Variants in GFRA1 observed in about 807,000 individuals in gnomAD.
The protein encoded by GFRA1 is GDNF family receptor alpha 1.
A neutral mutation model predicts 51.6 loss-of-function variants in GFRA1; 16 were observed. The observed-to-expected ratio is 0.31, with a 90% CI of 0.21 to 0.47. The LOEUF (loss-of-function observed/expected upper bound fraction) is 0.47. Ranked by LOEUF, GFRA1 falls within the 20% of genes least tolerant of loss-of-function variation. The pLI is 1.00. For synonymous variants in GFRA1, 270 were observed against 241.3 expected (o/e 1.12, Z -1.10); for missense variants, 530 against 594.3 (o/e 0.89, Z 1.13).
intron 9 of GFRA1, among the ~76,000 whole-genome samples, chr10:116,074,145 G>C (rs1955519726): frequency 6.6e-6 from 1 of 152,120 alleles, no homozygotes; most frequent in South Asian, 2.1e-4. Context: ...TACTTTCTGA[G>C]GGGTGTGCTC....
At chr10:116,131,380 C>T (rs1958096211) in intron 5 of GFRA1, among the ~76,000 whole-genome samples, 1 of 152,184 alleles carries the variant, frequency 6.6e-6, no homozygotes, top group South Asian at 2.1e-4. Flanking sequence ...TACAATTACC[C>T]TATGGCCCAG....
intron 4 of GFRA1, among the ~76,000 whole-genome samples, chr10:116,263,155 G>A (rs1475623614): frequency 6.6e-6 from 1 of 152,136 alleles, no homozygotes; most frequent in African/African-American, 2.4e-5. Flanking sequence ...CTTGTCCAAG[G>A]TAGTTTATAA....
Position 116,063,139 on chromosome 10 carries a change from A to G in GFRA1, c.*1259T>C, listed in dbSNP as rs117979961. 2 of 152,380 alleles carry G rather than the reference A, an allele frequency of 1.3e-5. No individual in the cohort carries two copies. The highest frequency in any genetic ancestry group is 2.1e-4 in the South Asian group (1 of 4,828). The allele number at this position is 152,380 out of a possible 1,614,324, so 9.4% of individuals were successfully genotyped here. ...TTTCCAAAGAAAGGAGAACCTGCCCATGCCTCCATGTCCCAATCAAAGCTG... is the reference window on the plus strand; with the variant it reads ...TTTCCAAAGAAAGGAGAACCTGCCCGTGCCTCCATGTCCCAATCAAAGCTG... On this transcript the variant is annotated 3_prime_UTR_variant, in exon 11 of 11. Transcript: ENST00000355422.
intron 5 of GFRA1, among the ~76,000 whole-genome samples, chr10:116,201,138 A>AT (rs111939455): frequency 1.3e-5 from 2 of 151,830 alleles, no homozygotes; most frequent in African/African-American, 2.4e-5. Flanking sequence ...CTAAAATAAC[A>AT]TTTTTTTTCT....
chr10:116,171,185 A>C (rs769707427), intron 5 of GFRA1, among the ~76,000 whole-genome samples: 12 of 152,206 alleles, frequency 7.9e-5, no homozygotes, highest in Non-Finnish European at 1.8e-4. Context: ...GGATTATGCT[A>C]TTTCCGACTA....
intron 2 of GFRA1, 64 bp from the exon 3 acceptor site, chr10:116,271,179 G>T: frequency 1.4e-6 from 2 of 1,446,820 alleles, no homozygotes; most frequent in South Asian, 1.3e-5. Context: ...CCCTGCTCCG[G>T]GCGAGGGCGC....
chr10:116,242,484 CA>C (rs972634248), intron 4 of GFRA1, among the ~76,000 whole-genome samples: 4 of 151,576 alleles, frequency 2.6e-5, no homozygotes, highest in Non-Finnish European at 4.4e-5. Flanking sequence ...TCCATAAAAA[CA>C]TTTTTTTTTT....
At chr10:116,125,086 A>G (rs1226191551) in intron 6 of GFRA1, 135 bp downstream of exon 6, 18 of 772,634 alleles carry the variant, frequency 2.3e-5, no homozygotes, top group East Asian at 5.3e-5. Context: ...ATTTTTGCCA[A>G]TCCATTCAAA....
At chr10:116,234,097 G>A (rs1966840204) in intron 4 of GFRA1, among the ~76,000 whole-genome samples, 1 of 152,146 alleles carries the variant, frequency 6.6e-6, no homozygotes, top group Non-Finnish European at 1.5e-5. Flanking sequence ...GATAAATGCA[G>A]GTTTTTTGTG....
At chr10:116,097,260 T>G (rs1209102540) in intron 6 of GFRA1, among the ~76,000 whole-genome samples, 1 of 152,196 alleles carries the variant, frequency 6.6e-6, no homozygotes, top group African/African-American at 2.4e-5. Flanking sequence ...GTTTCTGTCT[T>G]GTAAGTCACC....
In GFRA1 at chr10:116,098,315, G is replaced by A. The variant is rs1035074352; in HGVS notation, c.771-1551C>T. The stretch of plus-strand genomic sequence containing the variant: ...GTGTACGCACCTGAGTGGCAACCAC[G>A]GTCCGTGCCTTGCTGGTGTTTCCTG... On this transcript the variant is annotated intron_variant, in intron 6 of 10. Transcript: ENST00000355422. Among the ~76,000 whole-genome samples, 11 of 152,214 alleles carry A rather than the reference G, an allele frequency of 7.2e-5. No homozygotes were observed. In the East Asian group the frequency reaches 9.6e-4, roughly 13 times the overall value.
At chr10:116,178,303 G>GT (rs774943017) in intron 5 of GFRA1, among the ~76,000 whole-genome samples, 1 of 151,952 alleles carries the variant, frequency 6.6e-6, no homozygotes, top group Non-Finnish European at 1.5e-5. Context: ...AGGGGCCGGG[G>GT]GGGCGTTTTA....
rs1229626432 is a variant in GFRA1, at chr10:116,093,668, T to C, written c.1015+34A>G. 1.9e-6 allele frequency: 3 copies of C among 1,603,144 alleles called. No individual in the cohort carries two copies. The South Asian group carries it at 3.3e-5, about 18-fold the overall frequency. On this transcript the variant is annotated intron_variant, in intron 8 of 10. Transcript: ENST00000355422. The stretch of plus-strand genomic sequence containing the variant: ...CTGGAGCTCGGAGAAGAAAATGCGT[T>C]TGCTCCTTTGTTTCTTATTTTTTAC...
rs1486340790 is a variant in GFRA1, at chr10:116,272,219, C to T, written c.-190G>A. The stretch of plus-strand genomic sequence containing the variant: ...AGCCACCGCCGCCGGCGACTCAGCT[C>T]CGGGATGGCGAGGGCGGGAGGCGGT... On this transcript the variant is annotated 5_prime_UTR_variant, in exon 2 of 11. Coordinates refer to ENST00000355422, the MANE Select transcript of GFRA1 (RefSeq NM_005264.8). The surrounding 1 kb of genome is among the most constrained non-coding windows in gnomAD (Gnocchi z 4.4). 2 of 635,170 alleles carry T rather than the reference C, an allele frequency of 3.1e-6. No individual in the cohort carries two copies. Among genetic ancestry groups the T allele is most frequent in the Non-Finnish European group, 5.6e-6 (2 of 357,380 alleles). 39.3% of individuals were successfully genotyped at this position (635,170 alleles called of 1,614,324 possible).
At chr10:116,069,366 C>G (rs956043821) in intron 9 of GFRA1, among the ~76,000 whole-genome samples, 15 of 152,256 alleles carry the variant, frequency 9.9e-5, no homozygotes, top group African/African-American at 3.4e-4. Context: ...AACACCACCA[C>G]TGAAATATAG....
intron 6 of GFRA1, among the ~76,000 whole-genome samples, chr10:116,114,064 T>C (rs566093141): frequency 2.6e-5 from 4 of 152,224 alleles, no homozygotes; most frequent in Admixed American, 6.5e-5. Flanking sequence ...ATTCACAACA[T>C]GGAAACATCC....
Position 116,215,430 on chromosome 10 carries a change from C to T in GFRA1, c.419-3785G>A, listed in dbSNP as rs191146331. Among the ~76,000 whole-genome samples the T allele has an allele frequency of 5.1e-3, 781 of 152,236 alleles. 7 individuals are homozygous for T. Among genetic ancestry groups the T allele is most frequent in the African/African-American group, 0.016 (649 of 41,554 alleles). Reference sequence around the variant, plus strand: ...GTCATTTACACAAATCAAAAGGCCTCGAATTTGAGTGTAATATTCTCCTTT... The same window carrying T: ...GTCATTTACACAAATCAAAAGGCCTTGAATTTGAGTGTAATATTCTCCTTT... On this transcript the variant is annotated intron_variant, in intron 4 of 10. Coordinates refer to ENST00000355422, the MANE Select transcript of GFRA1 (RefSeq NM_005264.8).
chr10:116,070,367 C>G (rs775949183), intron 9 of GFRA1, among the ~76,000 whole-genome samples: 1 of 152,224 alleles, frequency 6.6e-6, no homozygotes, highest in Non-Finnish European at 1.5e-5. Flanking sequence ...TTCTGCAGCA[C>G]AAACTGGACC....
In GFRA1 at chr10:116,064,614, T is replaced by C; in HGVS notation, c.1252-70A>G. The stretch of plus-strand genomic sequence containing the variant: ...TTCTACCACAGTATACTTTACACTC[T>C]CTCTCCCCCCGACTCCCCACTGGCT... On this transcript the variant is annotated intron_variant, in intron 10 of 10. Transcript: ENST00000355422. 11 of 1,423,300 alleles carry C rather than the reference T, an allele frequency of 7.7e-6. No individual in the cohort carries two copies. In the South Asian group the frequency reaches 1.0e-4, roughly 13 times the overall value. The allele number at this position is 1,423,300 out of a possible 1,614,324, so 88.2% of individuals were successfully genotyped here.
Sources: gnomAD v4.1 joint callset for allele counts (sites outside exome capture counted in the v4.1 genomes callset) on GRCh38, gnomAD v4.1.1 for gene constraint, Gnocchi (gnomAD v3.1) non-coding constraint, MANE v1.5 for transcripts, NCBI Gene and HGNC (gene_info 2026-07-23, HGNC 2026-07-21) for gene names.